TDP1: variants seen among roughly 807,000 people sequenced by gnomAD.
The protein encoded by TDP1 is tyrosyl-DNA phosphodiesterase 1.
In TDP1, 64 loss-of-function variants were observed where a neutral mutation model predicts 81.5. The observed-to-expected ratio is 0.79, with a 90% CI of 0.64 to 0.97. The LOEUF is 0.97. Ranked by LOEUF, TDP1 falls within the 50% of genes least tolerant of loss-of-function variation. TDP1 has a pLI of 0.00. For synonymous variants in TDP1, 256 were observed against 264.3 expected, an observed-to-expected ratio of 0.97 and a Z score of 0.30; for missense variants, 723 against 743.8, an observed-to-expected ratio of 0.97 and a Z score of 0.33.
At chr14:89,986,631 G>A (rs1444493614) in intron 10 of TDP1, among the ~76,000 whole-genome samples, 1 of 152,232 alleles carries the variant, frequency 6.6e-6, no homozygotes, top group Non-Finnish European at 1.5e-5. Context: ...CGGTGATTAG[G>A]TGCCTGTTTC....
At chr14:90,008,799 C>T (rs1374948994) in intron 14 of TDP1, among the ~76,000 whole-genome samples, 1 of 152,184 alleles carries the variant, frequency 6.6e-6, no homozygotes, top group Non-Finnish European at 1.5e-5. Flanking sequence ...GATCATAGCT[C>T]CTGGGCTCAA....
intron 12 of TDP1, among the ~76,000 whole-genome samples, chr14:89,991,265 G>A (rs1284041002): frequency 6.6e-6 from 1 of 152,086 alleles, no homozygotes; most frequent in African/African-American, 2.4e-5. Context: ...TCATCACCAA[G>A]TAATTCAATT....
intron 15 of TDP1, among the ~76,000 whole-genome samples, chr14:90,027,569 T>C (rs1345723139): frequency 6.6e-6 from 1 of 152,208 alleles, no homozygotes; most frequent in South Asian, 2.1e-4. Flanking sequence ...TACTGCTCTT[T>C]GTCTCAGAGA....
chr14:89,973,891 C>T (rs868577968), intron 6 of TDP1, among the ~76,000 whole-genome samples: 1 of 152,044 alleles, frequency 6.6e-6, no homozygotes, highest in Non-Finnish European at 1.5e-5. Flanking sequence ...TTATAGATGG[C>T]CACGTTCTCA....
rs1238832744 is a variant in TDP1 at position 89,960,883 on chromosome 14, G to C, written c.-7-2225G>C. ...ACCCTCCCCTGCCCCGCCCTGCTGT[G>C]TTCACTGAAAAAATCATGAGATCTA... On this transcript the variant is annotated intron_variant, in intron 2 of 16. Coordinates refer to ENST00000335725, the MANE Select transcript of TDP1 (RefSeq NM_018319.4). Among the ~76,000 whole-genome samples the C allele has an allele frequency of 2.0e-5, 3 of 152,146 alleles. No homozygotes were observed. The East Asian group carries it at 5.8e-4, about 29-fold the overall frequency.
At chr14:89,973,225 C>G (rs1893861899) in intron 6 of TDP1, among the ~76,000 whole-genome samples, 1 of 152,178 alleles carries the variant, frequency 6.6e-6, no homozygotes, top group Non-Finnish European at 1.5e-5. Context: ...GCTTCTATTT[C>G]CAGCAACATA....
chr14:89,965,946 T>G lies in TDP1; in HGVS notation c.560-201T>G, dbSNP rs947378683. On this transcript the variant is annotated intron_variant, in intron 3 of 16. Coordinates refer to ENST00000335725, the MANE Select transcript of TDP1 (RefSeq NM_018319.4). ...GGTTTTGCATTGTTTTATAAAAGAA[T>G]GTATGATAAATATTAAATACCATAG... 6 of 851,884 alleles carry G rather than the reference T, an allele frequency of 7.0e-6. No homozygotes were observed. The African/African-American group carries it at 7.4e-5, about 10-fold the overall frequency. The allele number at this position is 851,884 out of a possible 1,614,324, so 52.8% of individuals were successfully genotyped here.
chr14:90,023,326 AAG>A (rs1207083168), intron 15 of TDP1, among the ~76,000 whole-genome samples: 1 of 152,168 alleles, frequency 6.6e-6, no homozygotes, highest in Non-Finnish European at 1.5e-5. Flanking sequence ...GTGTTTGGGA[AAG>A]AGCAAACAGT....
chr14:89,976,542 T>G (rs1894351476), intron 7 of TDP1, among the ~76,000 whole-genome samples: 1 of 135,870 alleles, frequency 7.4e-6, no homozygotes, highest in Admixed American at 7.2e-5. Flanking sequence ...TTTTTTTTTT[T>G]TTTTTTTTTT....
intron 5 of TDP1, among the ~76,000 whole-genome samples, chr14:89,968,060 A>G (rs1024589752): frequency 6.6e-6 from 1 of 152,188 alleles, no homozygotes; most frequent in Non-Finnish European, 1.5e-5. Flanking sequence ...AGGGTCCTCA[A>G]AATTCTTGGT....
chr14:90,000,157 C>T (rs764263015), intron 14 of TDP1, among the ~76,000 whole-genome samples: 1 of 152,248 alleles, frequency 6.6e-6, no homozygotes, highest in East Asian at 1.9e-4. Flanking sequence ...AGGTGCTGCC[C>T]GTGGTGGTCT....
chr14:89,980,591 C>T lies in TDP1; in HGVS notation c.843C>T (p.Thr281=). Residue 281 remains threonine, a synonymous_variant, in exon 8 of 17, where the codon ACC becomes ACT. Transcript: ENST00000335725. ...YEEGLRVVIH[T]SNLIHADWHQ... ...AAGGCCTCCGGGTTGTCATACACAC[C>T]TCCAACCTCATCCATGCTGACTGGC... The T allele has an allele frequency of 6.2e-7, 1 of 1,614,192 alleles. No homozygotes were observed. Among genetic ancestry groups the T allele is most frequent in the African/African-American group, 1.3e-5 (1 of 75,048 alleles).
chr14:90,031,152 C>T (rs1458016478), intron 15 of TDP1, among the ~76,000 whole-genome samples: 1 of 151,688 alleles, frequency 6.6e-6, no homozygotes, highest in East Asian at 1.9e-4. Context: ...TACATGTGCA[C>T]AATGTGCAGG....
At chr14:89,962,859 G>A in intron 2 of TDP1, 1 of 957,126 alleles carries the variant, frequency 1.0e-6, no homozygotes. Context: ...GGGTGACAGA[G>A]CGAGACCCTG....
chr14:89,980,217 G>T, intron 7 of TDP1: 1 of 985,424 alleles, frequency 1.0e-6, no homozygotes, highest in Non-Finnish European at 1.2e-6. Context: ...AGACCAGAAG[G>T]TTCCAACGGT....
chr14:90,027,105 A>C (rs796855437), intron 15 of TDP1, among the ~76,000 whole-genome samples: 16 of 152,272 alleles, frequency 1.1e-4, no homozygotes, highest in African/African-American at 3.6e-4. Flanking sequence ...ATTTCCCCAC[A>C]TCCTCTCTAG....
Position 89,963,285 on chromosome 14 carries a change from G to A in TDP1, c.171G>A (p.Lys57=). Residue 57 remains lysine, a synonymous_variant, in exon 3 of 17, where the codon AAG becomes AAA. Coordinates refer to ENST00000335725, the MANE Select transcript of TDP1 (RefSeq NM_018319.4). The part of the protein sequence containing the change: ...TCSEAQKAAH[K]RKISPVKFSN... ...CCGAGGCCCAGAAAGCTGCACACAA[G>A]AGGAAAATATCACCTGTGAAATTCA... The A allele has an allele frequency of 6.2e-7, 1 of 1,614,148 alleles. No individual in the cohort carries two copies. The highest frequency in any genetic ancestry group is 8.5e-7 in the Non-Finnish European group (1 of 1,180,016).
At chr14:89,969,893 T>TTC (rs1318708489) in intron 5 of TDP1, among the ~76,000 whole-genome samples, 2 of 149,256 alleles carry the variant, frequency 1.3e-5, no homozygotes, top group African/African-American at 4.9e-5. Flanking sequence ...TTTTTTTTTT[T>TTC]TGAGGCGGAG....
chr14:89,989,502 T>TA (rs1277442005), intron 11 of TDP1: 23 of 874,324 alleles, frequency 2.6e-5, no homozygotes, highest in Non-Finnish European at 3.2e-5. Flanking sequence ...AAGGAAAAAA[T>TA]ACTCCAATTG....
Sources: gnomAD v4.1 joint callset for allele counts (sites outside exome capture counted in the v4.1 genomes callset) on GRCh38, gnomAD v4.1.1 for gene constraint, MANE v1.5 for transcripts, NCBI Gene and HGNC (gene_info 2026-07-23, HGNC 2026-07-21) for gene names.